The following HIVEP1 variants were observed in gnomAD, a reference collection of about 807,000 sequenced individuals.
HIVEP1 encodes the protein zinc finger protein 40.
A neutral mutation model predicts 180.0 loss-of-function variants in HIVEP1; 36 were observed. That is an observed-to-expected ratio of 0.20 (90% confidence interval 0.15 to 0.26). The LOEUF is 0.26. Among genes scored for constraint, HIVEP1 ranks in the 10% least tolerant of loss-of-function variants. The pLI, the probability that HIVEP1 is intolerant of heterozygous loss-of-function variation, is 1.00. For synonymous variants in HIVEP1, 1,239 were observed against 1,239.0 expected (o/e 1.00, Z 0.00); for missense variants, 3,143 against 3,268.7 (o/e 0.96, Z 0.94).
rs760318518 is a variant in HIVEP1, at chr6:12,123,792, T to C, written c.3997T>C (p.Ser1333Pro). Residue 1333 changes from serine (S) to proline (P), a missense_variant, in exon 4 of 9, where the codon TCC (serine) becomes CCC (proline). Ser to Pro is a moderately conservative substitution (Grantham distance 74, BLOSUM62 -1). Transcript: ENST00000379388. Reference sequence around the variant, plus strand: ...AGAGGACGTTTCTAAAACGGAGGCTTCCCCCAAAATCGATTTTCTAAATAA... The same window carrying C: ...AGAGGACGTTTCTAAAACGGAGGCTCCCCCCAAAATCGATTTTCTAAATAA... ...DIEDVSKTEASPKIDFLNKAE... is the reference protein window; with the variant it reads ...DIEDVSKTEAPPKIDFLNKAE... 6.2e-7 allele frequency: 1 copy of C among 1,614,110 alleles called. No individual in the cohort carries two copies. Among genetic ancestry groups the C allele is most frequent in the East Asian group, 2.2e-5 (1 of 44,882 alleles).
intron 2 of HIVEP1, among the ~76,000 whole-genome samples, chr6:12,068,666 T>G (rs1771763676): frequency 6.6e-6 from 1 of 152,192 alleles, no homozygotes; most frequent in Non-Finnish European, 1.5e-5. Context: ...GTCACACATA[T>G]ATGTAATATG....
At chr6:12,053,947 C>T (rs940032078) in intron 2 of HIVEP1, among the ~76,000 whole-genome samples, 64 of 152,296 alleles carry the variant, frequency 4.2e-4, no homozygotes, top group African/African-American at 1.5e-3. Context: ...AGGGAACGTA[C>T]ATTTGATCCT....
At chr6:12,167,668 A>G (rs377546490), downstream of HIVEP1, among the ~76,000 whole-genome samples, 18 of 35,200 alleles carry the variant, frequency 5.1e-4, 1 homozygote, top group African/African-American at 2.0e-3. Flanking sequence ...ATATATACAT[A>G]TATACATATA....
chr6:12,019,419 AGTTTGGAATATCAG>A (rs890157002), intron 2 of HIVEP1, among the ~76,000 whole-genome samples: 6 of 152,184 alleles, frequency 3.9e-5, no homozygotes, highest in African/African-American at 1.4e-4. Flanking sequence ...TCATTGTGAC[AGTTTGGAATATCAG>A]GTTTGTTGTG....
At chr6:12,132,304 C>T (rs991933840) in intron 6 of HIVEP1, among the ~76,000 whole-genome samples, 2 of 151,974 alleles carry the variant, frequency 1.3e-5, no homozygotes, top group Non-Finnish European at 2.9e-5. Context: ...TATTAGCTTC[C>T]TTTATGAGAC....
upstream of HIVEP1, chr6:12,012,080 C>A (rs1767365245): frequency 6.8e-6 from 1 of 147,240 alleles, no homozygotes; most frequent in South Asian, 1.8e-4. Flanking sequence ...GTCCTTCCCG[C>A]CCCGGGCCCC....
At chr6:12,025,238 C>T (rs1490665372) in intron 2 of HIVEP1, among the ~76,000 whole-genome samples, 3 of 152,156 alleles carry the variant, frequency 2.0e-5, no homozygotes, top group African/African-American at 7.2e-5. Context: ...TAGAAATGCT[C>T]TCCATCCCAG....
chr6:12,103,195 A>AATAATG (rs966059553), intron 3 of HIVEP1, among the ~76,000 whole-genome samples: 1 of 150,774 alleles, frequency 6.6e-6, no homozygotes, highest in African/African-American at 2.4e-5. Flanking sequence ...TAATAATAAT[A>AATAATG]ATAATAATAA....
chr6:12,103,675 A>G (rs1177354182), intron 3 of HIVEP1, among the ~76,000 whole-genome samples: 1 of 152,128 alleles, frequency 6.6e-6, no homozygotes, highest in Non-Finnish European at 1.5e-5. Flanking sequence ...TTTTGAGGGA[A>G]GGAGAAGAGT....
At chr6:12,210,830 G>A in the HIVEP1 span, among the ~76,000 whole-genome samples, 1 of 152,016 alleles carries the variant, frequency 6.6e-6, no homozygotes, top group South Asian at 2.1e-4. Flanking sequence ...ATCTGGATGT[G>A]GTTTCCCCTG....
intron 3 of HIVEP1, among the ~76,000 whole-genome samples, chr6:12,117,250 T>A (rs530261834): frequency 6.6e-6 from 1 of 152,158 alleles, no homozygotes; most frequent in Non-Finnish European, 1.5e-5. Context: ...ATAGCACCAG[T>A]CAAGTGTTAA....
chr6:12,124,416 G>A lies in HIVEP1; in HGVS notation c.4621G>A (p.Asp1541Asn), dbSNP rs1425155430. ...AGTGTCTACGCAGGGTAGCAAGCCA[G>A]ATAAAAATTCTGTTTTATCTGGGTC... Reference protein sequence around the residue: ...LQVSTQGSKPDKNSVLSGSSK... With the variant: ...LQVSTQGSKPNKNSVLSGSSK... The change falls in exon 4 of 9, where the codon GAT (aspartate) becomes AAT (asparagine). Residue 1541 changes from aspartate (D) to asparagine (N), a missense_variant. Around this residue, in one of 12 missense-constraint regions of HIVEP1, gnomAD observed 1,357 missense variants for 1,260.5 expected, o/e 1.08. Coordinates refer to ENST00000379388, the MANE Select transcript of HIVEP1 (RefSeq NM_002114.4). 3 of 1,614,104 alleles carry A rather than the reference G, an allele frequency of 1.9e-6. No homozygotes were observed. In the Admixed American group the frequency reaches 5.0e-5, roughly 27 times the overall value.
At chr6:12,020,369 G>T (rs1348536432) in intron 2 of HIVEP1, 1 of 471,160 alleles carries the variant, frequency 2.1e-6, no homozygotes, top group East Asian at 6.9e-5. Context: ...CCTGGGTTCC[G>T]TGGAGAAGGG....
chr6:12,021,294 T>C (rs2113601505), intron 2 of HIVEP1, among the ~76,000 whole-genome samples: 1 of 152,338 alleles, frequency 6.6e-6, no homozygotes, highest in African/African-American at 2.4e-5. Context: ...CTCCACGGCA[T>C]CTTGTGCATA....
In HIVEP1 at chr6:12,125,601, C is replaced by G; in HGVS notation, c.5806C>G (p.Leu1936Val). ...KDTQQLAFPS[L>V]KTTTNFTWCY... is the part of the protein sequence containing the mutation. ...CACCCAGCAGCTGGCTTTCCCTAGCCTGAAAACTACAACCAACTTTACATG... is the reference window on the plus strand; with the variant it reads ...CACCCAGCAGCTGGCTTTCCCTAGCGTGAAAACTACAACCAACTTTACATG... Residue 1936 changes from leucine (L) to valine (V), a missense_variant, in exon 4 of 9, where the codon CTG becomes GTG. Transcript: ENST00000379388. 6.2e-7 allele frequency: 1 copy of G among 1,614,220 alleles called. No homozygotes were observed. The highest frequency in any genetic ancestry group is 8.5e-7 in the Non-Finnish European group (1 of 1,180,032).
At chr6:12,031,678 G>A (rs1291408718) in intron 2 of HIVEP1, among the ~76,000 whole-genome samples, 1 of 152,190 alleles carries the variant, frequency 6.6e-6, no homozygotes, top group African/African-American at 2.4e-5. Flanking sequence ...AAATGCCAAT[G>A]TGCTAGTCTT....
intron 5 of HIVEP1, among the ~76,000 whole-genome samples, 173 bp from the exon 6 acceptor site, chr6:12,130,594 A>G (rs1243838816): frequency 6.6e-6 from 1 of 152,318 alleles, no homozygotes; most frequent in South Asian, 2.1e-4. Context: ...AGAATTAGCT[A>G]TATTAAGTGT....
At chr6:12,183,127 A>AT in the HIVEP1 span, among the ~76,000 whole-genome samples, 584 of 152,270 alleles carry the variant, frequency 3.8e-3, 3 homozygotes, top group African/African-American at 0.013. Flanking sequence ...AAGAAAAATG[A>AT]TTTTTTTTAA....
At chr6:12,158,015 C>T (rs1330702610) in intron 7 of HIVEP1, among the ~76,000 whole-genome samples, 1 of 152,186 alleles carries the variant, frequency 6.6e-6, no homozygotes, top group African/African-American at 2.4e-5. Flanking sequence ...CTGTTATTGT[C>T]TACCTTTCCC....
Sources: allele counts gnomAD v4.1 joint callset (sites outside exome capture counted in the v4.1 genomes callset), GRCh38; gene constraint gnomAD v4.1.1; regional missense constraint gnomAD v4.1.1; transcripts MANE v1.5; gene names NCBI Gene and HGNC (gene_info 2026-07-23, HGNC 2026-07-21).